CLUH: variants seen among roughly 807,000 people sequenced by gnomAD.
The protein encoded by CLUH is CLUH binding protein of NUMT mRNA.
Under a neutral mutation model 139.3 loss-of-function variants are expected in CLUH, and 77 were observed. The ratio of observed to expected loss-of-function variants is 0.55; its 90% CI spans 0.46 to 0.67. The LOEUF (loss-of-function observed/expected upper bound fraction) is 0.67, where lower values mean the gene tolerates loss of function less well. Among genes scored for constraint, CLUH ranks in the 30% least tolerant of loss-of-function variants. The pLI, the probability that CLUH is intolerant of heterozygous loss-of-function variation, is 0.00. For missense variants in CLUH, 1,876 were observed against 1,875.8 expected (o/e 1.00, Z 0.00); for synonymous variants, 999 against 801.6 (o/e 1.25, Z -4.16).
chr17:2,702,887 C>T (rs1326407975), intron 3 of CLUH, among the ~76,000 whole-genome samples: 4 of 151,686 alleles, frequency 2.6e-5, no homozygotes, highest in African/African-American at 7.3e-5. Context: ...TGCAGTGGCA[C>T]GATCCGGGCA....
chr17:2,701,358 G>C lies in CLUH; in HGVS notation c.899+8C>G. ...GCAGGGGGGTGTGGTGGGCTGGCAG[G>C]GACTCACTGATTCAGGTAAAAGCCC... On this transcript the variant is annotated splice_region_variant and intron_variant, in intron 6 of 25. Coordinates refer to ENST00000651024, the MANE Select transcript of CLUH (RefSeq NM_001366661.1). 1.9e-6 allele frequency: 3 copies of C among 1,605,844 alleles called. No homozygotes were observed. Among genetic ancestry groups the C allele is most frequent in the Non-Finnish European group, 2.5e-6 (3 of 1,176,710 alleles).
Position 2,698,148 on chromosome 17 carries a change from C to G in CLUH, c.1709G>C (p.Arg570Pro). ...ERTSRPLKIL[R>P]HQVLNDRDEE... Reference sequence around the variant, plus strand: ...GTCACGGTCGTTGAGCACCTGGTGCCGCAGGATCTTGAGGGGCCGACTCGT... The same window carrying G: ...GTCACGGTCGTTGAGCACCTGGTGCGGCAGGATCTTGAGGGGCCGACTCGT... Residue 570 changes from arginine (R) to proline (P), a missense_variant, in exon 10 of 26, where the codon CGG becomes CCG. Around this residue, in one of 3 missense-constraint regions of CLUH, gnomAD observed 1,454 missense variants for 1,384.4 expected, o/e 1.05. Transcript: ENST00000651024. 1.3e-6 allele frequency: 2 copies of G among 1,582,070 alleles called. No homozygotes were observed. The highest frequency in any genetic ancestry group is 1.8e-5 in the Admixed American group (1 of 54,918).
At chr17:2,692,982 C>T in intron 19 of CLUH, 122 bp from the exon 20 acceptor site, 2 of 949,324 alleles carry the variant, frequency 2.1e-6, no homozygotes, top group South Asian at 3.6e-5. Flanking sequence ...CCGGCTGCGC[C>T]CAGCACAGTG....
At chr17:2,695,985 T>G in intron 13 of CLUH, 174 bp downstream of exon 13, 1 of 616,550 alleles carries the variant, frequency 1.6e-6, no homozygotes, top group Admixed American at 2.8e-5. Context: ...GCAGGGCCTG[T>G]GCCCTTGACC....
Position 2,694,115 on chromosome 17 carries a change from C to CCA in CLUH, c.3091+6_3091+7dup, listed in dbSNP as rs779264323. On this transcript the variant is annotated splice_region_variant and intron_variant, in intron 18 of 25. Coordinates refer to ENST00000651024, the MANE Select transcript of CLUH (RefSeq NM_001366661.1). ...CCCACCTCCACCCAGCCCCACCTGG[C>CCA]CACACACCCTGCTGCACTTTGGCCT... is the stretch of plus-strand genomic sequence containing the variant. 1 of 1,613,774 alleles carries CCA rather than the reference C, an allele frequency of 6.2e-7. No individual in the cohort carries two copies. Among genetic ancestry groups the CCA allele is most frequent in the African/African-American group, 1.3e-5 (1 of 74,940 alleles).
At position 2,704,270 on chromosome 17, in the gene CLUH, G is replaced by T; in HGVS notation, c.303+92C>A. 1 of 1,348,656 alleles carries T rather than the reference G, an allele frequency of 7.4e-7. No homozygotes were observed. 83.5% of individuals were successfully genotyped at this position (1,348,656 alleles called of 1,614,324 possible). ...TCCTCAGTTTCCTGCCACAAAATGGGGCCGGTAGGAGCACGAGCAAGGCTG... is the reference window on the plus strand; with the variant it reads ...TCCTCAGTTTCCTGCCACAAAATGGTGCCGGTAGGAGCACGAGCAAGGCTG... On this transcript the variant is annotated intron_variant, in intron 2 of 25. Coordinates refer to ENST00000651024, the MANE Select transcript of CLUH (RefSeq NM_001366661.1). The surrounding 1 kb of genome is among the most constrained non-coding windows in gnomAD (Gnocchi z 5.7).
chr17:2,694,536 A>G lies in CLUH; in HGVS notation c.2881T>C (p.Tyr961His). ...CETVDQAVETYGLQKITLLRE... is the reference protein window; with the variant it reads ...CETVDQAVETHGLQKITLLRE... ...AGGAGCGTTATCTTCTGCAGGCCGTAGGTCTCCACAGCCTGGTCCACGGTC... is the reference window on the plus strand; with the variant it reads ...AGGAGCGTTATCTTCTGCAGGCCGTGGGTCTCCACAGCCTGGTCCACGGTC... Residue 961 changes from tyrosine (Y) to histidine (H), a missense_variant, in exon 17 of 26, where the codon TAC (tyrosine) becomes CAC (histidine). Coordinates refer to ENST00000651024, the MANE Select transcript of CLUH (RefSeq NM_001366661.1). 1.3e-6 allele frequency: 2 copies of G among 1,581,730 alleles called. No homozygotes were observed. The highest frequency in any genetic ancestry group is 3.6e-5 in the Admixed American group (2 of 55,342).
In CLUH at chr17:2,707,868, G is replaced by A; in HGVS notation, c.101-3304C>T. The A allele has an allele frequency of 6.1e-6, 6 of 985,460 alleles. No homozygotes were observed. The highest frequency in any genetic ancestry group is 7.2e-6 in the Non-Finnish European group (6 of 829,932). The allele number at this position is 985,460 out of a possible 1,614,324, so 61.0% of individuals were successfully genotyped here. A position where few individuals can be genotyped will look rare whatever the true frequency, so the allele number is the denominator to read the frequency against. ...GACCTGGCTGCCAGCCCCTTCCTGGGAGTCACTGGTTCTGGTGGAAGGGAG... is the reference window on the plus strand; with the variant it reads ...GACCTGGCTGCCAGCCCCTTCCTGGAAGTCACTGGTTCTGGTGGAAGGGAG... On this transcript the variant is annotated intron_variant, in intron 1 of 25. Coordinates refer to ENST00000651024, the MANE Select transcript of CLUH (RefSeq NM_001366661.1). The surrounding 1 kb of genome is among the most constrained non-coding windows in gnomAD (Gnocchi z 7.4).
rs1487537227 is a variant in CLUH, at chr17:2,706,678, G to C, written c.101-2114C>G. On this transcript the variant is annotated intron_variant, in intron 1 of 25. Transcript: ENST00000651024. The surrounding 1 kb of genome is among the most constrained non-coding windows in gnomAD (Gnocchi z 4.6). ...GAGCAGAAAGACAGCCGGGGCGGTGGTCGGTCAGCTTGCAAACAGCAAGAG... is the reference window on the plus strand; with the variant it reads ...GAGCAGAAAGACAGCCGGGGCGGTGCTCGGTCAGCTTGCAAACAGCAAGAG... 6.6e-6 allele frequency among the ~76,000 whole-genome samples: 1 copy of C among 152,172 alleles called. No homozygotes were observed. Among genetic ancestry groups the C allele is most frequent in the Non-Finnish European group, 1.5e-5 (1 of 68,038 alleles).
rs2070055107 is a variant in CLUH at position 2,698,499 on chromosome 17, T to C, written c.1358A>G (p.Lys453Arg). ...VMAINPSEET[K>R]MQMFIWNNIF... ...GTTGTTCCAGATGAACATCTGCATCTTGGTCTCCTCGCTGGGGTTGATGGC... is the reference window on the plus strand; with the variant it reads ...GTTGTTCCAGATGAACATCTGCATCCTGGTCTCCTCGCTGGGGTTGATGGC... The change falls in exon 10 of 26, where the codon AAG (lysine) becomes AGG (arginine). Residue 453 changes from lysine (K) to arginine (R), a missense_variant. Physicochemically the swap from Lys to Arg is conservative, Grantham distance 26. Coordinates refer to ENST00000651024, the MANE Select transcript of CLUH (RefSeq NM_001366661.1). 6.2e-7 allele frequency: 1 copy of C among 1,612,998 alleles called. No individual in the cohort carries two copies. Among genetic ancestry groups the C allele is most frequent in the Admixed American group, 1.7e-5 (1 of 59,990 alleles).
At position 2,696,142 on chromosome 17, in the gene CLUH, C is replaced by T. The variant is rs779729393; in HGVS notation, c.2391+17G>A. ...CCTCCACACAAGCCCCACCCAGCCC[C>T]GCAGCCCCTCCCTCACCAAGCCAGG... On this transcript the variant is annotated intron_variant, in intron 13 of 25. Transcript: ENST00000651024. 31 of 1,547,466 alleles carry T rather than the reference C, an allele frequency of 2.0e-5. 1 individual carries two copies. In the Admixed American group the frequency reaches 4.3e-4, roughly 21 times the overall value.
At position 2,690,598 on chromosome 17, in the gene CLUH, C is replaced by T. The variant is rs1333465026; in HGVS notation, c.4043G>A (p.Gly1348Glu). 1 of 1,480,156 alleles carries T rather than the reference C, an allele frequency of 6.8e-7. No individual in the cohort carries two copies. 91.7% of individuals were successfully genotyped at this position (1,480,156 alleles called of 1,614,324 possible). ...GCTGTCCGTCTGGCTCCCTCTCTAT[C>T]CCTGCACGCTCGGAGAAGGGTCCTT... Reference protein sequence around the residue: ...AAKDPSPSVQG With the variant: ...AAKDPSPSVQE The change falls in exon 26 of 26, where the codon GGA becomes GAA. Residue 1348 changes from glycine to glutamate, a missense_variant. Transcript: ENST00000651024.
At chr17:2,700,116 C>T (rs939175897) in intron 9 of CLUH, among the ~76,000 whole-genome samples, 13 of 152,246 alleles carry the variant, frequency 8.5e-5, no homozygotes, top group Non-Finnish European at 1.3e-4. Context: ...GGAAGCTGCA[C>T]GGCCCTGGAC....
At position 2,703,175 on chromosome 17, in the gene CLUH, G is replaced by A; in HGVS notation, c.475+143C>T. ...GGCCGTGAAGTTGGCAGATATAGGT[G>A]TGCTGGCCTGAGAAGCAGATCTGTG... On this transcript the variant is annotated intron_variant, in intron 3 of 25. Transcript: ENST00000651024. The surrounding 1 kb of genome is among the most constrained non-coding windows in gnomAD (Gnocchi z 4.2). The A allele has an allele frequency of 3.5e-6, 3 of 866,414 alleles. No homozygotes were observed. The highest frequency in any genetic ancestry group is 2.7e-5 in the East Asian group (1 of 37,356). 53.7% of individuals were successfully genotyped at this position (866,414 alleles called of 1,614,324 possible).
At position 2,695,517 on chromosome 17, in the gene CLUH, A is replaced by C; in HGVS notation, c.2401T>G (p.Cys801Gly). 6.2e-7 allele frequency: 1 copy of C among 1,602,324 alleles called. No homozygotes were observed. Among genetic ancestry groups the C allele is most frequent in the Non-Finnish European group, 8.5e-7 (1 of 1,178,766 alleles). The change falls in exon 14 of 26, where the codon TGC (cysteine) becomes GGC (glycine). Residue 801 changes from cysteine (C) to glycine (G), a missense_variant. Cys to Gly is a radical substitution (Grantham distance 159). This residue lies in a region of CLUH where 1,454 missense variants were observed against 1,384.4 expected (regional missense o/e 1.05). Transcript: ENST00000651024. ...SCQIPGLVKD[C>G]MEHAVLPVDG... ...ACGGGCAGGACCGCGTGCTCCATGC[A>C]GTCCTTCACCTGCGGGCTGCAGCAG...
rs765200893 is a variant in CLUH at position 2,691,726 on chromosome 17, G to A, written c.3789+35C>T. 21 of 1,602,254 alleles carry A rather than the reference G, an allele frequency of 1.3e-5. No homozygotes were observed. The South Asian group carries it at 1.9e-4, about 14-fold the overall frequency. ...AGCGGTGAGCGGGGCTCCCGCGCTC[G>A]CCGGGCCGGAGGGGCCGCTCCGCCC... is the stretch of plus-strand genomic sequence containing the variant. On this transcript the variant is annotated intron_variant, in intron 24 of 25. Coordinates refer to ENST00000651024, the MANE Select transcript of CLUH (RefSeq NM_001366661.1).
intron 19 of CLUH, among the ~76,000 whole-genome samples, chr17:2,693,474 C>T (rs2069797501): frequency 6.6e-6 from 1 of 151,652 alleles, no homozygotes; most frequent in South Asian, 2.1e-4. Flanking sequence ...AGTAGGGATC[C>T]TAAGACATGC....
rs768564399 is a variant in CLUH at position 2,702,023 on chromosome 17, C to T, written c.510G>A (p.Val170=). The change falls in exon 4 of 26, where the codon GTG becomes GTA. Residue 170 remains valine (V), a synonymous_variant. Coordinates refer to ENST00000651024, the MANE Select transcript of CLUH (RefSeq NM_001366661.1). ...TCTTGAGCAGGTCTCGGACATGGCG[C>T]ACGTGGATGCGGGCCTCACGCACCG... The part of the protein sequence containing the change: ...PYTVREARIH[V]RHVRDLLKSL... The T allele has an allele frequency of 1.5e-5, 25 of 1,613,930 alleles. No homozygotes were observed. Among genetic ancestry groups the T allele is most frequent in the Non-Finnish European group, 2.1e-5 (25 of 1,179,888 alleles).
chr17:2,696,502 C>T lies in CLUH; in HGVS notation c.2222G>A (p.Cys741Tyr). The part of the protein sequence containing the change: ...PRSREVIRNA[C>Y]KAVGSISSTA... ...GCTGCTGATGGAGCCGACCGCCTTG[C>T]ACGCGTTGCGGATCACCTCCCGGCT... Residue 741 changes from cysteine (C) to tyrosine (Y), a missense_variant, in exon 12 of 26, where the codon TGC becomes TAC. Cys to Tyr is a radical substitution (Grantham distance 194). This residue lies in a region of CLUH where 1,454 missense variants were observed against 1,384.4 expected (regional missense o/e 1.05). Coordinates refer to ENST00000651024, the MANE Select transcript of CLUH (RefSeq NM_001366661.1). 6.3e-7 allele frequency: 1 copy of T among 1,588,412 alleles called. No individual in the cohort carries two copies. The highest frequency in any genetic ancestry group is 8.5e-7 in the Non-Finnish European group (1 of 1,169,992).
Sources: allele counts gnomAD v4.1 joint callset (sites outside exome capture counted in the v4.1 genomes callset), GRCh38; gene constraint gnomAD v4.1.1; regional missense constraint gnomAD v4.1.1; non-coding constraint Gnocchi (gnomAD v3.1); transcripts MANE v1.5; gene names NCBI Gene and HGNC (gene_info 2026-07-23, HGNC 2026-07-21).